Variants in CACNA2D2 observed in about 807,000 individuals in gnomAD.
The protein encoded by CACNA2D2 is calcium voltage-gated channel auxiliary subunit alpha2delta 2.
In CACNA2D2, 48 loss-of-function variants were observed where a neutral mutation model predicts 166.4. That is an observed-to-expected ratio of 0.29 (90% CI 0.23 to 0.37). CACNA2D2 has a LOEUF of 0.37. CACNA2D2 is among the 10% of genes least tolerant of loss of function. CACNA2D2 has a pLI of 1.00. For synonymous variants in CACNA2D2, 561 were observed against 573.7 expected, an observed-to-expected ratio of 0.98 and a Z score of 0.32; for missense variants, 1,122 against 1,433.0, an observed-to-expected ratio of 0.78 and a Z score of 3.50.
intron 1 of CACNA2D2, among the ~76,000 whole-genome samples, chr3:50,493,448 G>A (rs760746142): frequency 2.0e-5 from 3 of 152,226 alleles, no homozygotes; most frequent in Non-Finnish European, 4.4e-5. Context: ...ACCTGGGTCT[G>A]CAGATGATGC....
chr3:50,375,739 A>G lies in CACNA2D2; in HGVS notation c.1846-34T>C. ...GGAGGCTGGGTCAGGTACTTGGGCT[A>G]GCAGGCAGGGGGCGCTGGGGTAGAA... On this transcript the variant is annotated intron_variant, in intron 20 of 37. Transcript: ENST00000424201. The surrounding 1 kb of genome is among the most constrained non-coding windows in gnomAD (Gnocchi z 4.0). 6.2e-7 allele frequency: 1 copy of G among 1,613,020 alleles called. No individual in the cohort carries two copies. The highest frequency in any genetic ancestry group is 1.1e-5 in the South Asian group (1 of 91,080).
At chr3:50,387,841 CGACTGAG>C (rs745504854) in intron 4 of CACNA2D2, among the ~76,000 whole-genome samples, 5 of 152,178 alleles carry the variant, frequency 3.3e-5, no homozygotes, top group Non-Finnish European at 7.4e-5. Flanking sequence ...CAGTACCCCT[CGACTGAG>C]AATTCCCTGG....
intron 1 of CACNA2D2, 34 bp downstream of exon 1, chr3:50,503,184 G>C (rs1471198123): frequency 8.6e-7 from 1 of 1,161,996 alleles, no homozygotes; most frequent in Non-Finnish European, 1.1e-6. Context: ...CGCAAGGCTC[G>C]GCCGGGGTCT....
intron 2 of CACNA2D2, among the ~76,000 whole-genome samples, chr3:50,434,680 T>C (rs1383638029): frequency 6.6e-6 from 1 of 152,148 alleles, no homozygotes; most frequent in African/African-American, 2.4e-5. Flanking sequence ...GTTGGTGGGA[T>C]GGGGTTGTCA....
intron 1 of CACNA2D2, among the ~76,000 whole-genome samples, chr3:50,476,900 C>A (rs1288781738): frequency 6.6e-6 from 1 of 152,062 alleles, no homozygotes; most frequent in East Asian, 1.9e-4. Flanking sequence ...ACACTGGTAC[C>A]ACCCTGGGAT....
At chr3:50,395,834 T>C (rs189953638) in intron 3 of CACNA2D2, among the ~76,000 whole-genome samples, 3 of 152,200 alleles carry the variant, frequency 2.0e-5, no homozygotes, top group African/African-American at 7.2e-5. Flanking sequence ...CTACCCCTCC[T>C]CAGGCCAAGA....
intron 5 of CACNA2D2, 103 bp downstream of exon 5, chr3:50,387,465 C>T: frequency 2.2e-5 from 21 of 972,348 alleles, no homozygotes; most frequent in Non-Finnish European, 3.5e-5. Flanking sequence ...CACGGCTCTG[C>T]AGGGTTGAGC....
intron 1 of CACNA2D2, among the ~76,000 whole-genome samples, chr3:50,485,237 T>G (rs1477836496): frequency 6.6e-6 from 1 of 152,072 alleles, no homozygotes; most frequent in Non-Finnish European, 1.5e-5. Flanking sequence ...CTCACCCCCA[T>G]GGAGCTCTCT....
At chr3:50,387,126 G>A (rs747576231) in intron 5 of CACNA2D2, among the ~76,000 whole-genome samples, 4 of 152,154 alleles carry the variant, frequency 2.6e-5, no homozygotes, top group Non-Finnish European at 5.9e-5. Context: ...TCAGGGTTAG[G>A]GTCTGATGAT....
chr3:50,457,053 T>C (rs1194225210), intron 2 of CACNA2D2, among the ~76,000 whole-genome samples: 2 of 152,124 alleles, frequency 1.3e-5, no homozygotes, highest in East Asian at 3.9e-4. Context: ...AGTTTGAGAT[T>C]AGCTTGGCTA....
At chr3:50,481,134 A>G (rs1478512323) in intron 1 of CACNA2D2, among the ~76,000 whole-genome samples, 1 of 152,072 alleles carries the variant, frequency 6.6e-6, no homozygotes, top group African/African-American at 2.4e-5. Flanking sequence ...AAAACCAGAG[A>G]CAGGTGACAC....
In CACNA2D2 at chr3:50,453,905, G is replaced by A. The variant is rs574429279; in HGVS notation, c.289-19476C>T. Among the ~76,000 whole-genome samples the A allele has an allele frequency of 1.9e-3, 282 of 152,232 alleles. 1 individual carries two copies. Among genetic ancestry groups the A allele is most frequent in the African/African-American group, 6.4e-3 (265 of 41,532 alleles). ...GAGTGGTAGGTCAGGGAAGGGAGGT[G>A]TGATCTGTGTGAAGGTCACGGTGGA... On this transcript the variant is annotated intron_variant, in intron 2 of 37. Transcript: ENST00000424201.
At chr3:50,497,108 A>G (rs1698756081) in intron 1 of CACNA2D2, among the ~76,000 whole-genome samples, 1 of 152,186 alleles carries the variant, frequency 6.6e-6, no homozygotes, top group Non-Finnish European at 1.5e-5. Flanking sequence ...CACCCAAGGT[A>G]TGGCCAAAGG....
intron 3 of CACNA2D2, among the ~76,000 whole-genome samples, chr3:50,404,634 C>A (rs1706608157): frequency 1.3e-5 from 2 of 152,288 alleles, no homozygotes; most frequent in South Asian, 4.1e-4. Flanking sequence ...GGTGACAGTT[C>A]CCATGGGAAG....
chr3:50,454,254 G>C (rs890632798), intron 2 of CACNA2D2, among the ~76,000 whole-genome samples: 2 of 152,226 alleles, frequency 1.3e-5, no homozygotes, highest in African/African-American at 4.8e-5. Flanking sequence ...GAGGCCTCAG[G>C]AAAAGAAGGG....
At chr3:50,450,988 C>T (rs1709072334) in intron 2 of CACNA2D2, among the ~76,000 whole-genome samples, 1 of 152,310 alleles carries the variant, frequency 6.6e-6, no homozygotes, top group Admixed American at 6.5e-5. Flanking sequence ...GTGTACAAAA[C>T]CACTGTGCCT....
chr3:50,480,531 C>T (rs1360672837), intron 1 of CACNA2D2, among the ~76,000 whole-genome samples: 1 of 151,708 alleles, frequency 6.6e-6, no homozygotes, highest in African/African-American at 2.4e-5. Flanking sequence ...TGAGGCAGCT[C>T]TGCAGGTAAG....
intron 2 of CACNA2D2, among the ~76,000 whole-genome samples, chr3:50,434,748 G>A (rs1325560606): frequency 6.6e-6 from 1 of 152,232 alleles, no homozygotes; most frequent in Non-Finnish European, 1.5e-5. Flanking sequence ...CCCTGCCCCC[G>A]ACTAGCTCAA....
rs2109399325 is a variant in CACNA2D2, at chr3:50,365,500, G to A, written c.2972-18C>T. 2 of 1,610,552 alleles carry A rather than the reference G, an allele frequency of 1.2e-6. No homozygotes were observed. Among genetic ancestry groups the A allele is most frequent in the South Asian group, 1.1e-5 (1 of 90,736 alleles). ...CGCGGGGTCTGCGAGGGCCCAGAGCGCCTCAGCTCCGCCCACAGACCCTGG... is the reference window on the plus strand; with the variant it reads ...CGCGGGGTCTGCGAGGGCCCAGAGCACCTCAGCTCCGCCCACAGACCCTGG... On this transcript the variant is annotated intron_variant, in intron 34 of 37. Coordinates refer to ENST00000424201, the MANE Select transcript of CACNA2D2 (RefSeq NM_006030.4). The surrounding 1 kb of genome is among the most constrained non-coding windows in gnomAD (Gnocchi z 4.5).
Sources: allele counts gnomAD v4.1 joint callset (sites outside exome capture counted in the v4.1 genomes callset), GRCh38; gene constraint gnomAD v4.1.1; non-coding constraint Gnocchi (gnomAD v3.1); transcripts MANE v1.5; gene names NCBI Gene and HGNC (gene_info 2026-07-23, HGNC 2026-07-21).